Variants in PEX2 observed in about 807,000 individuals in gnomAD.
PEX2 encodes peroxisomal biogenesis factor 2.
PEX2 carries 19 observed loss-of-function variants against 25.2 expected under a neutral mutation model. The ratio of observed to expected loss-of-function variants is 0.75; its 90% CI spans 0.53 to 1.10. PEX2 has a LOEUF of 1.10. PEX2 is among the 50% of genes least tolerant of loss of function. PEX2 has a pLI of 0.00. For missense variants in PEX2, 347 were observed against 350.6 expected (o/e 0.99, Z 0.08); for synonymous variants, 141 against 127.7 (o/e 1.10, Z -0.70).
In PEX2 at chr8:76,992,201, T is replaced by C. The variant is rs542553491; in HGVS notation, c.-159-3863A>G. 3.9e-5 allele frequency among the ~76,000 whole-genome samples: 6 copies of C among 152,152 alleles called. No individual in the cohort carries two copies. The South Asian group carries it at 1.2e-3, about 32-fold the overall frequency. The stretch of plus-strand genomic sequence containing the variant: ...CTGAAAGGATATGACACAGTGTGGA[T>C]AGAGAAAAGAGATGGGTTCCCGCAT... On this transcript the variant is annotated intron_variant, in intron 1 of 3. Transcript: ENST00000357039.
At chr8:76,996,430 T>C (rs532567806) in intron 1 of PEX2, among the ~76,000 whole-genome samples, 52 of 152,162 alleles carry the variant, frequency 3.4e-4, no homozygotes, top group African/African-American at 1.2e-3. Flanking sequence ...AAGTTAAACA[T>C]AAACACTTTA....
chr8:76,995,476 C>G (rs1807296809), intron 1 of PEX2, among the ~76,000 whole-genome samples: 2 of 151,816 alleles, frequency 1.3e-5, no homozygotes, highest in East Asian at 1.9e-4. Flanking sequence ...GTAACCTGCC[C>G]TAGAAGAGGG....
intron 1 of PEX2, among the ~76,000 whole-genome samples, chr8:76,996,964 T>G (rs1329214222): frequency 6.6e-6 from 1 of 152,160 alleles, no homozygotes; most frequent in Non-Finnish European, 1.5e-5. Context: ...CAAAATACAC[T>G]TAGTAGAATG....
At chr8:76,996,952 T>C (rs1033995996) in intron 1 of PEX2, among the ~76,000 whole-genome samples, 3 of 152,188 alleles carry the variant, frequency 2.0e-5, no homozygotes, top group East Asian at 1.9e-4. Flanking sequence ...CTGTAGAACA[T>C]ACAAAATACA....
intron 1 of PEX2, among the ~76,000 whole-genome samples, chr8:76,997,763 G>C (rs1426676407): frequency 6.6e-6 from 1 of 152,118 alleles, no homozygotes; most frequent in Non-Finnish European, 1.5e-5. Context: ...ATAGAAGAAG[G>C]TATTTTTATT....
chr8:76,993,505 T>C (rs998236590), intron 1 of PEX2, among the ~76,000 whole-genome samples: 4 of 152,190 alleles, frequency 2.6e-5, no homozygotes, highest in Non-Finnish European at 5.9e-5. Context: ...TCCTTACTTC[T>C]GTTACAAGGA....
chr8:76,998,804 AC>A (rs943004332), intron 1 of PEX2, among the ~76,000 whole-genome samples: 1 of 152,190 alleles, frequency 6.6e-6, no homozygotes, highest in African/African-American at 2.4e-5. Flanking sequence ...CAGCTTGAGT[AC>A]TAACACTAGT....
intron 1 of PEX2, among the ~76,000 whole-genome samples, chr8:76,993,932 T>G (rs1009604523): frequency 6.6e-6 from 1 of 152,186 alleles, no homozygotes. Flanking sequence ...TAGTGAAGGA[T>G]TCTACCATGT....
Position 76,999,992 on chromosome 8 carries a change from T to G in PEX2, c.-162A>C. Reference sequence around the variant, plus strand: ...GGCTCTCTAGGGCAGACACTGACCTTAGGAGTCTGCGAAACGCCCACGCTC... The same window carrying G: ...GGCTCTCTAGGGCAGACACTGACCTGAGGAGTCTGCGAAACGCCCACGCTC... On this transcript the variant is annotated splice_region_variant and 5_prime_UTR_variant, in exon 1 of 4. Coordinates refer to ENST00000357039, the MANE Select transcript of PEX2 (RefSeq NM_000318.3). 1 of 456,134 alleles carries G rather than the reference T, an allele frequency of 2.2e-6. No homozygotes were observed. 28.3% of individuals were successfully genotyped at this position (456,134 alleles called of 1,614,324 possible).
At chr8:76,996,069 T>A (rs568988435) in intron 1 of PEX2, among the ~76,000 whole-genome samples, 1 of 152,110 alleles carries the variant, frequency 6.6e-6, no homozygotes, top group African/African-American at 2.4e-5. Flanking sequence ...AATAGAGAAA[T>A]CAGAGCAGGA....
Position 76,983,852 on chromosome 8 carries a change from A to G in PEX2, c.327T>C (p.Cys109=), listed in dbSNP as rs746604322. 7 of 1,614,198 alleles carry G rather than the reference A, an allele frequency of 4.3e-6. No homozygotes were observed. Among genetic ancestry groups the G allele is most frequent in the Non-Finnish European group, 5.9e-6 (7 of 1,180,014 alleles). ...SKNQKIWYAV[C]TIGGRWLEER... is the part of the protein sequence containing the mutation. Reference sequence around the variant, plus strand: ...CTTCTAACCACCTGCCACCAATTGTACAAACAGCATACCAGATTTTTTGAT... The same window carrying G: ...CTTCTAACCACCTGCCACCAATTGTGCAAACAGCATACCAGATTTTTTGAT... Residue 109 remains cysteine, a synonymous_variant, in exon 4 of 4, where the codon TGT becomes TGC. Coordinates refer to ENST00000357039, the MANE Select transcript of PEX2 (RefSeq NM_000318.3).
Position 76,986,176 on chromosome 8 carries a change from G to A in PEX2, c.-18+11C>T, listed in dbSNP as rs1359218626. ...ACCATAAATGCCAATGATCTTCTGGGGAGATCTCACCTTTTTCCTGTTCCT... is the reference window on the plus strand; with the variant it reads ...ACCATAAATGCCAATGATCTTCTGGAGAGATCTCACCTTTTTCCTGTTCCT... On this transcript the variant is annotated intron_variant, in intron 3 of 3. Transcript: ENST00000357039. 6.6e-6 allele frequency: 1 copy of A among 152,046 alleles called. No homozygotes were observed. The highest frequency in any genetic ancestry group is 2.4e-5 in the African/African-American group (1 of 41,360). The allele number at this position is 152,046 out of a possible 1,614,324, so 9.4% of individuals were successfully genotyped here.
At chr8:76,998,177 G>T (rs1268652694) in intron 1 of PEX2, among the ~76,000 whole-genome samples, 1 of 151,908 alleles carries the variant, frequency 6.6e-6, no homozygotes, top group East Asian at 1.9e-4. Context: ...AATGTGGATG[G>T]TGTGCAAGAG....
At chr8:76,994,364 C>T (rs757306463) in intron 1 of PEX2, among the ~76,000 whole-genome samples, 6 of 152,016 alleles carry the variant, frequency 3.9e-5, no homozygotes, top group Non-Finnish European at 8.8e-5. Context: ...AATATATTTT[C>T]TTTAAAAACA....
intron 3 of PEX2, among the ~76,000 whole-genome samples, chr8:76,985,848 G>A (rs1363045859): frequency 6.6e-6 from 1 of 152,130 alleles, no homozygotes; most frequent in Non-Finnish European, 1.5e-5. Context: ...AAGGGCTGGA[G>A]ATAAAATGAC....
In PEX2 at chr8:76,983,555, T is replaced by C. The variant is rs1806903526; in HGVS notation, c.624A>G (p.Leu208=). 1.2e-6 allele frequency: 2 copies of C among 1,614,044 alleles called. No individual in the cohort carries two copies. Among genetic ancestry groups the C allele is most frequent in the South Asian group, 1.1e-5 (1 of 91,084 alleles). ...TCAACTTCTGGACATTGATAAGTGG[T>C]AAGAGAAAAATCAGAAATTCAGCAA... ...HGFAEFLIFL[L]PLINVQKLKA... is the part of the protein sequence containing the mutation. The change falls in exon 4 of 4, where the codon TTA becomes TTG. Residue 208 remains leucine, a synonymous_variant. Transcript: ENST00000357039.
intron 2 of PEX2, chr8:76,986,610 C>T (rs1380367820): frequency 1.3e-5 from 2 of 152,280 alleles, no homozygotes; most frequent in African/African-American, 4.8e-5. Flanking sequence ...AAAAAGTACC[C>T]CCTTCTCCTG....
At position 76,984,103 on chromosome 8, in the gene PEX2, T is replaced by C. The variant is rs977528373; in HGVS notation, c.76A>G (p.Asn26Asp). 64 of 1,613,460 alleles carry C rather than the reference T, an allele frequency of 4.0e-5. No homozygotes were observed. Among genetic ancestry groups the C allele is most frequent in the Non-Finnish European group, 5.3e-5 (62 of 1,179,804 alleles). ...CAAACTAGCTGCTCCAGGGCCTTGT[T>C]TAGTTCAAGTGCATCCAACTGGCTT... is the stretch of plus-strand genomic sequence containing the variant. Reference protein sequence around the residue: ...RISQLDALELNKALEQLVWSQ... With the variant: ...RISQLDALELDKALEQLVWSQ... Residue 26 changes from asparagine to aspartate, a missense_variant, in exon 4 of 4, where the codon AAC (asparagine) becomes GAC (aspartate). Coordinates refer to ENST00000357039, the MANE Select transcript of PEX2 (RefSeq NM_000318.3).
intron 1 of PEX2, among the ~76,000 whole-genome samples, chr8:76,996,012 T>C (rs1807316980): frequency 6.6e-6 from 1 of 151,778 alleles, no homozygotes; most frequent in African/African-American, 2.4e-5. Context: ...GGGAAAAAAA[T>C]GAACAGCTAT....
Sources: gnomAD v4.1 joint callset for allele counts (sites outside exome capture counted in the v4.1 genomes callset) on GRCh38, gnomAD v4.1.1 for gene constraint, MANE v1.5 for transcripts, NCBI Gene and HGNC (gene_info 2026-07-23, HGNC 2026-07-21) for gene names.